The following PTPRD variants were observed in gnomAD, a reference collection of about 807,000 sequenced individuals.
PTPRD encodes the protein receptor-type tyrosine-protein phosphatase delta.
A neutral mutation model predicts 214.5 loss-of-function variants in PTPRD; 34 were observed. That is an observed-to-expected ratio of 0.16 (90% CI 0.12 to 0.21). PTPRD has a LOEUF of 0.21. Ranked by LOEUF, PTPRD falls within the 10% of genes least tolerant of loss-of-function variation. The pLI, the probability that PTPRD is intolerant of heterozygous loss-of-function variation, is 1.00. For missense variants in PTPRD, 2,545 were observed against 2,398.7 expected, an observed-to-expected ratio of 1.06 and a Z score of -1.27; for synonymous variants, 1,128 against 845.7, an observed-to-expected ratio of 1.33 and a Z score of -5.79.
intron 5 of PTPRD, among the ~76,000 whole-genome samples, chr9:9,792,698 A>G (rs970169268): frequency 2.0e-5 from 3 of 152,180 alleles, no homozygotes; most frequent in East Asian, 3.9e-4. Flanking sequence ...TATAAATCAT[A>G]ATAGCTCATT....
chr9:9,629,238 GTATA>G (rs113482595), intron 7 of PTPRD, among the ~76,000 whole-genome samples: 2 of 140,358 alleles, frequency 1.4e-5, no homozygotes, highest in Non-Finnish European at 3.0e-5. Flanking sequence ...GTGTGTGTGT[GTATA>G]TATATATATA....
chr9:9,021,733 G>A (rs1347511321), intron 10 of PTPRD, among the ~76,000 whole-genome samples: 1 of 151,822 alleles, frequency 6.6e-6, no homozygotes, highest in Non-Finnish European at 1.5e-5. Context: ...TAATGTGTGT[G>A]TTTGTGTCTT....
intron 2 of PTPRD, among the ~76,000 whole-genome samples, chr9:10,492,508 C>T (rs1041033073): frequency 1.3e-5 from 2 of 152,036 alleles, no homozygotes; most frequent in Non-Finnish European, 1.5e-5. Flanking sequence ...ACATAAATGT[C>T]TTTTTTTGAG....
In PTPRD at chr9:10,316,380, C is replaced by A. The variant is rs576469116; in HGVS notation, c.-545+24583G>T. Among the ~76,000 whole-genome samples the A allele has an allele frequency of 1.6e-4, 25 of 151,870 alleles. No homozygotes were observed. In the South Asian group the frequency reaches 4.6e-3, roughly 28 times the overall value. On this transcript the variant is annotated intron_variant, in intron 3 of 45. Transcript: ENST00000381196. ...GAAGACACCGCAATTACTTTCCCAA[C>A]AACCTAATACTTGAAGGGCAAATGA...
intron 12 of PTPRD, among the ~76,000 whole-genome samples, chr9:8,687,577 G>C (rs1426944849): frequency 3.9e-5 from 6 of 152,152 alleles, no homozygotes; most frequent in Non-Finnish European, 7.4e-5. Flanking sequence ...AGGTCGGATG[G>C]AAGTGTGGGC....
chr9:9,763,192 A>T (rs937020594), intron 6 of PTPRD, among the ~76,000 whole-genome samples: 3 of 152,178 alleles, frequency 2.0e-5, no homozygotes, highest in African/African-American at 7.2e-5. Context: ...CATCCTACAA[A>T]ATGTAAAACA....
chr9:9,889,380 C>A (rs1202108077), intron 5 of PTPRD, among the ~76,000 whole-genome samples: 2 of 151,916 alleles, frequency 1.3e-5, no homozygotes, highest in East Asian at 1.9e-4. Context: ...ATAATATATA[C>A]AATTTTATTT....
At chr9:10,403,188 C>A (rs2098299965) in intron 2 of PTPRD, among the ~76,000 whole-genome samples, 1 of 98,122 alleles carries the variant, frequency 1.0e-5, no homozygotes, top group Admixed American at 1.1e-4. Context: ...TTTGTTTTTC[C>A]ATTTGCTTTT....
chr9:10,270,991 A>G (rs2094386872), intron 3 of PTPRD, among the ~76,000 whole-genome samples: 1 of 152,164 alleles, frequency 6.6e-6, no homozygotes, highest in East Asian at 1.9e-4. Context: ...TGCAGCTAAT[A>G]GAAAAGAAAA....
chr9:9,448,076 A>C (rs1345458811), intron 8 of PTPRD, among the ~76,000 whole-genome samples: 2 of 152,086 alleles, frequency 1.3e-5, no homozygotes, highest in African/African-American at 4.8e-5. Context: ...TGTGATAGAA[A>C]CAGGTTTTGG....
At chr9:9,819,788 G>A (rs1476438901) in intron 5 of PTPRD, among the ~76,000 whole-genome samples, 1 of 152,052 alleles carries the variant, frequency 6.6e-6, no homozygotes, top group African/African-American at 2.4e-5. Context: ...TAGGATAATG[G>A]CCTCCAGCAC....
intron 2 of PTPRD, among the ~76,000 whole-genome samples, chr9:10,520,235 T>C (rs2051703060): frequency 6.6e-6 from 1 of 152,162 alleles, no homozygotes; most frequent in East Asian, 1.9e-4. Context: ...GATAATAAGA[T>C]AGCAAAACAA....
At chr9:8,331,823 C>G (rs2131670551) in intron 43 of PTPRD, 87 bp from the exon 44 acceptor site, 4 of 1,447,452 alleles carry the variant, frequency 2.8e-6, no homozygotes, top group East Asian at 4.9e-5. Context: ...CAATCATTTT[C>G]ATTTCCCGAA....
At chr9:9,664,971 T>C (rs2096689089) in intron 7 of PTPRD, among the ~76,000 whole-genome samples, 1 of 151,698 alleles carries the variant, frequency 6.6e-6, no homozygotes, top group Non-Finnish European at 1.5e-5. Flanking sequence ...ATGAAAACTT[T>C]TTATATTTGA....
At chr9:8,662,110 T>G (rs1187117624) in intron 12 of PTPRD, among the ~76,000 whole-genome samples, 3 of 152,146 alleles carry the variant, frequency 2.0e-5, no homozygotes, top group Admixed American at 6.6e-5. Flanking sequence ...CATAGAGCTT[T>G]TCAAAACCTA....
chr9:9,921,791 T>A (rs2082622499), intron 5 of PTPRD, among the ~76,000 whole-genome samples: 1 of 151,402 alleles, frequency 6.6e-6, no homozygotes, highest in African/African-American at 2.4e-5. Context: ...AAGACAATAG[T>A]GTAATTGAGA....
intron 7 of PTPRD, among the ~76,000 whole-genome samples, chr9:9,621,154 A>G (rs1593261617): frequency 6.6e-6 from 1 of 152,190 alleles, no homozygotes; most frequent in African/African-American, 2.4e-5. Context: ...TGTGCATAAT[A>G]TTTCTCCTAA....
At chr9:9,950,091 C>T (rs1325081751) in intron 4 of PTPRD, among the ~76,000 whole-genome samples, 1 of 152,140 alleles carries the variant, frequency 6.6e-6, no homozygotes, top group Admixed American at 6.5e-5. Context: ...TCCTGTATCA[C>T]GTCAGGTTTC....
rs532871054 is a variant in PTPRD, at chr9:9,744,823, C to A, written c.-325-10252G>T. Among the ~76,000 whole-genome samples the A allele has an allele frequency of 2.2e-4, 33 of 152,086 alleles. 1 individual carries two copies. The highest frequency in any genetic ancestry group is 7.9e-4 in the African/African-American group (33 of 41,526). ...CCACATCATAATCTAATTCATCACA[C>A]AGCTTTTATGTGAGCCCTCCAGCAA... On this transcript the variant is annotated intron_variant, in intron 6 of 45. Transcript: ENST00000381196.
Sources: allele counts gnomAD v4.1 joint callset (sites outside exome capture counted in the v4.1 genomes callset), GRCh38; gene constraint gnomAD v4.1.1; transcripts MANE v1.5; gene names NCBI Gene and HGNC (gene_info 2026-07-23, HGNC 2026-07-21).